Variants in MGAM2 observed in about 807,000 individuals in gnomAD.
MGAM2 encodes the protein probable maltase-glucoamylase 2.
Under a neutral mutation model 96.1 loss-of-function variants are expected in MGAM2, and 98 were observed. The observed-to-expected ratio is 1.02, with a 90% CI of 0.87 to 1.21. The LOEUF (loss-of-function observed/expected upper bound fraction) is 1.21, where lower values mean the gene tolerates loss of function less well. MGAM2 is among the 50% of genes most tolerant of loss of function. The pLI is 0.00. For synonymous variants in MGAM2, 749 were observed against 414.8 expected, an observed-to-expected ratio of 1.81 and a Z score of -9.79; for missense variants, 2,055 against 1,182.4, an observed-to-expected ratio of 1.74 and a Z score of -10.82.
At chr7:142,115,627 G>A (rs1156371936) in intron 1 of MGAM2, among the ~76,000 whole-genome samples, 1 of 152,078 alleles carries the variant, frequency 6.6e-6, no homozygotes, top group Non-Finnish European at 1.5e-5. Flanking sequence ...GGGCAGATCA[G>A]CTGAGATCAG....
chr7:142,190,470 C>T (rs752976838), intron 37 of MGAM2, among the ~76,000 whole-genome samples: 3 of 151,940 alleles, frequency 2.0e-5, no homozygotes, highest in East Asian at 1.9e-4. Context: ...AGACGGGTTT[C>T]GCCATGTTGG....
At chr7:142,139,952 G>C (rs541146684) in intron 10 of MGAM2, among the ~76,000 whole-genome samples, 2 of 152,284 alleles carry the variant, frequency 1.3e-5, no homozygotes, top group South Asian at 4.1e-4. Flanking sequence ...ACATTTGTTT[G>C]TGGAGGACAC....
chr7:142,114,175 A>AAAG (rs1354887908), intron 1 of MGAM2, among the ~76,000 whole-genome samples: 1 of 116,322 alleles, frequency 8.6e-6, no homozygotes, highest in Non-Finnish European at 1.7e-5. Flanking sequence ...AGAAAGAAAG[A>AAAG]AAGAAAGAAA....
At chr7:142,133,345 T>C (rs1307123702) in intron 6 of MGAM2, among the ~76,000 whole-genome samples, 1 of 148,988 alleles carries the variant, frequency 6.7e-6, no homozygotes, top group Non-Finnish European at 1.5e-5. Flanking sequence ...CACAGAAATA[T>C]ACTTGTGGTT....
intron 18 of MGAM2, 74 bp from the exon 19 acceptor site, chr7:142,158,174 C>A: frequency 2.9e-6 from 2 of 700,502 alleles, no homozygotes; most frequent in Non-Finnish European, 5.2e-6. Flanking sequence ...TAGTTAGGAT[C>A]TTGTTGTTAC....
rs1040504116 is a variant in MGAM2 at position 142,129,746 on chromosome 7, A to G, written c.187-1202A>G. Among the ~76,000 whole-genome samples the G allele has an allele frequency of 1.4e-5, 2 of 143,924 alleles. 1 individual carries two copies. Among genetic ancestry groups the G allele is most frequent in the Non-Finnish European group, 3.0e-5 (2 of 65,890 alleles). The allele number at this position is 143,924 out of a possible 152,430, so 94.4% of individuals were successfully genotyped here. A position where few individuals can be genotyped will look rare whatever the true frequency, so the allele number is the denominator to read the frequency against. ...AGGCTGAGGCAGTAGAATAACTTGAACCCAGGAGGCAGAGATTACAGTGAG... is the reference window on the plus strand; with the variant it reads ...AGGCTGAGGCAGTAGAATAACTTGAGCCCAGGAGGCAGAGATTACAGTGAG... On this transcript the variant is annotated intron_variant, in intron 3 of 47. Coordinates refer to ENST00000477922, the MANE Select transcript of MGAM2 (RefSeq NM_001293626.2).
At position 142,131,555 on chromosome 7, in the gene MGAM2, T is replaced by A; in HGVS notation, c.348T>A (p.Ser116=). 2.8e-6 allele frequency: 2 copies of A among 702,996 alleles called. No homozygotes were observed. The highest frequency in any genetic ancestry group is 5.2e-6 in the Non-Finnish European group (2 of 384,966). 43.5% of individuals were successfully genotyped at this position (702,996 alleles called of 1,614,324 possible). Residue 116 remains serine (S), a synonymous_variant, in exon 5 of 48, where the codon TCT becomes TCA. Transcript: ENST00000477922. ...AGTTGAAAAGGTTGCCATCACCATC[T>A]CTGTTTGGAAATGATGTCGCCACCA... ...TAQLKRLPSP[S]LFGNDVATTL... is the part of the protein sequence containing the mutation.
At chr7:142,132,723 T>G (rs1366542842) in intron 6 of MGAM2, among the ~76,000 whole-genome samples, 2 of 126,052 alleles carry the variant, frequency 1.6e-5, no homozygotes, top group East Asian at 4.6e-4. Flanking sequence ...ATATTAATAA[T>G]ATTAATAGAA....
At chr7:142,147,926 A>G (rs948068227) in intron 15 of MGAM2, among the ~76,000 whole-genome samples, 1 of 152,138 alleles carries the variant, frequency 6.6e-6, no homozygotes, top group Non-Finnish European at 1.5e-5. Context: ...ACACCAAATT[A>G]AATTTGTGTG....
rs1353422474 is a variant in MGAM2 at position 142,220,590 on chromosome 7, A to G, written c.6079A>G (p.Thr2027Ala). 7.2e-6 allele frequency: 5 copies of G among 698,308 alleles called. No individual in the cohort carries two copies. Among genetic ancestry groups the G allele is most frequent in the African/African-American group, 7.0e-5 (4 of 57,112 alleles). 43.3% of individuals were successfully genotyped at this position (698,308 alleles called of 1,614,324 possible). A position where few individuals can be genotyped will look rare whatever the true frequency, so the allele number is the denominator to read the frequency against. Residue 2027 changes from threonine to alanine, a missense_variant, in exon 48 of 48, where the codon ACA (threonine) becomes GCA (alanine). Physicochemically the swap from Thr to Ala is moderately conservative, Grantham distance 58 (BLOSUM62 0). Coordinates refer to ENST00000477922, the MANE Select transcript of MGAM2 (RefSeq NM_001293626.2). ...PVPITTTLFA[T>A]STIGVTTGTT... The stretch of plus-strand genomic sequence containing the variant: ...TCCTATCACAACCACACTTTTTGCA[A>G]CAAGTACTATTGGTGTTACAACTGG...
chr7:142,115,153 G>C (rs1343516186), intron 1 of MGAM2, among the ~76,000 whole-genome samples: 1 of 152,182 alleles, frequency 6.6e-6, no homozygotes, highest in Non-Finnish European at 1.5e-5. Context: ...GGAGGTGGAG[G>C]TTGCAGTGAG....
chr7:142,169,811 A>G (rs2129089645), intron 26 of MGAM2, among the ~76,000 whole-genome samples: 1 of 152,270 alleles, frequency 6.6e-6, no homozygotes, highest in African/African-American at 2.4e-5. Context: ...TATTTATGAA[A>G]TTCTATCCCC....
At chr7:142,210,591 A>G (rs1177371701) in intron 46 of MGAM2, among the ~76,000 whole-genome samples, 2 of 152,204 alleles carry the variant, frequency 1.3e-5, no homozygotes. Flanking sequence ...AACTGGGCAG[A>G]GCCCACCACA....
intron 14 of MGAM2, among the ~76,000 whole-genome samples, chr7:142,145,837 G>T (rs1217659289): frequency 6.6e-6 from 1 of 152,110 alleles, no homozygotes; most frequent in Non-Finnish European, 1.5e-5. Flanking sequence ...CTAGAATCTG[G>T]TCATGTAGCC....
At chr7:142,115,738 G>C (rs191023816) in intron 1 of MGAM2, among the ~76,000 whole-genome samples, 18 of 152,068 alleles carry the variant, frequency 1.2e-4, no homozygotes, top group Non-Finnish European at 2.4e-4. Flanking sequence ...CCAGCTACTC[G>C]GGAGGCTGAG....
At chr7:142,208,429 A>C in intron 45 of MGAM2, 144 bp from the exon 46 acceptor site, 1 of 656,480 alleles carries the variant, frequency 1.5e-6, no homozygotes, top group Non-Finnish European at 2.8e-6. Context: ...TCTCTTAGCC[A>C]CTCTCTTCAG....
chr7:142,117,200 A>T (rs1033520793), intron 2 of MGAM2, among the ~76,000 whole-genome samples: 11 of 152,306 alleles, frequency 7.2e-5, no homozygotes, highest in African/African-American at 2.4e-4. Flanking sequence ...AGCCCCATTT[A>T]GTGCAATTTT....
At chr7:142,149,582 C>T (rs1159357886) in intron 15 of MGAM2, among the ~76,000 whole-genome samples, 1 of 152,092 alleles carries the variant, frequency 6.6e-6, no homozygotes, top group Non-Finnish European at 1.5e-5. Flanking sequence ...GCTCTGTCGC[C>T]CAGGCTGGAG....
At chr7:142,160,418 C>A (rs887290870) in intron 21 of MGAM2, among the ~76,000 whole-genome samples, 160 bp downstream of exon 21, 1 of 152,130 alleles carries the variant, frequency 6.6e-6, no homozygotes, top group Non-Finnish European at 1.5e-5. Flanking sequence ...AAATTGGCAT[C>A]TTAGTCCCTA....
Sources: allele counts gnomAD v4.1 joint callset (sites outside exome capture counted in the v4.1 genomes callset), GRCh38; gene constraint gnomAD v4.1.1; transcripts MANE v1.5; gene names NCBI Gene and HGNC (gene_info 2026-07-23, HGNC 2026-07-21).